Variants in LIPC observed in about 807,000 individuals in gnomAD.
The protein encoded by LIPC is lipase C, hepatic type.
A neutral mutation model predicts 50.7 loss-of-function variants in LIPC; 44 were observed. The ratio of observed to expected loss-of-function variants is 0.87; its 90% CI spans 0.68 to 1.11. The LOEUF is 1.11. Among genes scored for constraint, LIPC ranks in the 50% most tolerant of loss-of-function variants. The pLI is 0.00. For missense variants in LIPC, 697 were observed against 648.2 expected (o/e 1.08, Z -0.82); for synonymous variants, 271 against 256.4 (o/e 1.06, Z -0.54).
chr15:58,457,851 C>T (rs903472444), intron 1 of LIPC, among the ~76,000 whole-genome samples: 2 of 152,186 alleles, frequency 1.3e-5, no homozygotes, highest in African/African-American at 2.4e-5. Flanking sequence ...TCCTTTTCCA[C>T]TCTATCCCGG....
At chr15:58,534,568 C>G (rs535485634) in intron 1 of LIPC, among the ~76,000 whole-genome samples, 1 of 152,282 alleles carries the variant, frequency 6.6e-6, no homozygotes, top group Admixed American at 6.5e-5. Flanking sequence ...GATTACAGGG[C>G]TCTCAGAGTT....
At chr15:58,478,058 C>T (rs892836568) in intron 1 of LIPC, among the ~76,000 whole-genome samples, 3 of 152,108 alleles carry the variant, frequency 2.0e-5, no homozygotes, top group African/African-American at 7.2e-5. Flanking sequence ...ATGCCCACCT[C>T]CCCCCATAGC....
Position 58,436,624 on chromosome 15 carries a change from CTG to C in LIPC, c.88+4510_88+4511del, listed in dbSNP as rs1325174209. On this transcript the variant is annotated intron_variant, in intron 1 of 8. Transcript: ENST00000299022. ...CAGAGGGTCATTAAAATGATCCGTT[CTG>C]TGTGTCAAATACATGAGGTATACCA... 2.1e-5 allele frequency: 9 copies of C among 425,838 alleles called. No individual in the cohort carries two copies. In the Admixed American group the frequency reaches 2.2e-4, roughly 11 times the overall value. 26.4% of individuals were successfully genotyped at this position (425,838 alleles called of 1,614,324 possible). A position where few individuals can be genotyped will look rare whatever the true frequency, so the allele number is the denominator to read the frequency against.
intron 1 of LIPC, among the ~76,000 whole-genome samples, chr15:58,537,375 C>T (rs963054178): frequency 6.6e-5 from 10 of 152,346 alleles, no homozygotes; most frequent in Middle Eastern, 3.4e-3. Flanking sequence ...GAAGGCCCTT[C>T]GGTCAAACAA....
At chr15:58,445,727 T>A (rs1893671993) in intron 1 of LIPC, among the ~76,000 whole-genome samples, 1 of 152,112 alleles carries the variant, frequency 6.6e-6, no homozygotes, top group African/African-American at 2.4e-5. Flanking sequence ...CTTGAACAAA[T>A]CACTCAAGGC....
intron 8 of LIPC, among the ~76,000 whole-genome samples, chr15:58,566,755 T>A (rs367587036): frequency 6.6e-6 from 1 of 152,084 alleles, no homozygotes; most frequent in African/African-American, 2.4e-5. Context: ...CTAAACCTAA[T>A]GAGAAGACAT....
intron 1 of LIPC, among the ~76,000 whole-genome samples, chr15:58,478,357 G>A (rs1186353295): frequency 6.6e-6 from 1 of 152,136 alleles, no homozygotes. Context: ...TCTGGCCTCA[G>A]CCTCCCAAGT....
chr15:58,538,835 C>T (rs1278841954), intron 2 of LIPC, among the ~76,000 whole-genome samples: 10 of 152,166 alleles, frequency 6.6e-5, no homozygotes, highest in Non-Finnish European at 1.5e-4. Flanking sequence ...CCTGAATCTG[C>T]ATGTTACACA....
intron 2 of LIPC, among the ~76,000 whole-genome samples, chr15:58,541,494 G>A (rs41292504): frequency 0.019 from 2,947 of 151,742 alleles, 90 homozygotes; most frequent in African/African-American, 0.068. Context: ...GGGAGGGGGC[G>A]GGGGGGAACG....
intron 1 of LIPC, among the ~76,000 whole-genome samples, chr15:58,465,994 G>T (rs1202756562): frequency 6.6e-6 from 1 of 152,216 alleles, no homozygotes; most frequent in African/African-American, 2.4e-5. Context: ...TGATGATTCA[G>T]TGCTAGTTCT....
intron 8 of LIPC, chr15:58,564,091 T>G: frequency 3.3e-6 from 1 of 307,438 alleles, no homozygotes; most frequent in South Asian, 3.6e-5. Flanking sequence ...GCAACATCTT[T>G]TTTTTATTGT....
chr15:58,534,159 A>AAAATACAT (rs1404425917), intron 1 of LIPC, among the ~76,000 whole-genome samples: 1 of 152,236 alleles, frequency 6.6e-6, no homozygotes, highest in Non-Finnish European at 1.5e-5. Context: ...GGGAGGAAGG[A>AAAATACAT]AAATACATTT....
intron 1 of LIPC, among the ~76,000 whole-genome samples, chr15:58,453,572 T>C (rs1246297861): frequency 6.6e-6 from 1 of 152,118 alleles, no homozygotes; most frequent in Non-Finnish European, 1.5e-5. Context: ...GTTTGAAGAA[T>C]TTGGCCCCAG....
chr15:58,508,242 G>C (rs527605765), intron 1 of LIPC, among the ~76,000 whole-genome samples: 4 of 152,142 alleles, frequency 2.6e-5, no homozygotes, highest in Admixed American at 6.5e-5. Flanking sequence ...GGCCAAGGGT[G>C]GGGGGTAGGG....
rs6494020 is a variant in LIPC at position 58,563,994 on chromosome 15, T to C, written c.1388+271T>C. The C allele has an allele frequency of 0.99, 478,216 of 483,070 alleles. 236,871 individuals are homozygous for C. Among genetic ancestry groups the C allele is most frequent in the East Asian group, 1 (24,394 of 24,394 alleles). 29.9% of individuals were successfully genotyped at this position (483,070 alleles called of 1,614,324 possible). On this transcript the variant is annotated intron_variant, in intron 8 of 8. Coordinates refer to ENST00000299022, the MANE Select transcript of LIPC (RefSeq NM_000236.3). The stretch of plus-strand genomic sequence containing the variant: ...GCCTGCCTCTGGAGCCTGAGGACCA[T>C]CACACGAACCCCAGGCTTCTCAAGC...
intron 6 of LIPC, among the ~76,000 whole-genome samples, chr15:58,550,008 A>C (rs1009470628): frequency 1.3e-5 from 2 of 152,210 alleles, no homozygotes; most frequent in Non-Finnish European, 2.9e-5. Context: ...ATCTATTTTA[A>C]TCATGGAATG....
intron 1 of LIPC, among the ~76,000 whole-genome samples, chr15:58,447,758 T>C (rs1207581034): frequency 6.6e-6 from 1 of 152,190 alleles, no homozygotes; most frequent in Non-Finnish European, 1.5e-5. Flanking sequence ...TAACAGTTGG[T>C]CTGGGTGACG....
intron 1 of LIPC, among the ~76,000 whole-genome samples, chr15:58,508,688 C>T (rs559896222): frequency 1.3e-5 from 2 of 151,264 alleles, no homozygotes; most frequent in Non-Finnish European, 2.9e-5. Flanking sequence ...GTCCTTACGA[C>T]TGACATAGTC....
chr15:58,542,103 C>T (rs1361721298), intron 3 of LIPC, 136 bp downstream of exon 3: 2 of 1,067,812 alleles, frequency 1.9e-6, no homozygotes, highest in Non-Finnish European at 2.8e-6. Flanking sequence ...AATGAGAAGG[C>T]ACAGGACTGA....
Sources: gnomAD v4.1 joint callset for allele counts (sites outside exome capture counted in the v4.1 genomes callset) on GRCh38, gnomAD v4.1.1 for gene constraint, MANE v1.5 for transcripts, NCBI Gene and HGNC (gene_info 2026-07-23, HGNC 2026-07-21) for gene names.